The following TRPC4 variants were observed in gnomAD, a reference collection of about 807,000 sequenced individuals.
TRPC4 encodes transient receptor potential cation channel subfamily C member 4.
In TRPC4, 49 loss-of-function variants were observed where a neutral mutation model predicts 99.4. The ratio of observed to expected loss-of-function variants is 0.49; its 90% CI spans 0.39 to 0.63. TRPC4 has a LOEUF of 0.63. Ranked by LOEUF, TRPC4 falls within the 20% of genes least tolerant of loss-of-function variation. The pLI, the probability that TRPC4 is intolerant of heterozygous loss-of-function variation, is 0.00. For missense variants in TRPC4, 898 were observed against 1,152.9 expected (o/e 0.78, Z 3.20); for synonymous variants, 454 against 425.9 (o/e 1.07, Z -0.81).
At position 37,637,688 on chromosome 13, in the gene TRPC4, CG is replaced by C. The variant is rs1350597453; in HGVS notation, c.2212-64del. Reference sequence around the variant, plus strand: ...TAAACATTTGGAAACATCATTTTCTCGTCTCATATATGGGTCAGAAATGTTT... The same window carrying C: ...TAAACATTTGGAAACATCATTTTCTCTCTCATATATGGGTCAGAAATGTTT... On this transcript the variant is annotated intron_variant, in intron 10 of 10. Coordinates refer to ENST00000379705, the MANE Select transcript of TRPC4 (RefSeq NM_016179.4). The C allele has an allele frequency of 2.0e-6, 3 of 1,464,110 alleles. No homozygotes were observed. In the East Asian group the frequency reaches 6.9e-5, roughly 33 times the overall value. The allele number at this position is 1,464,110 out of a possible 1,614,324, so 90.7% of individuals were successfully genotyped here.
At chr13:37,710,936 T>G (rs768758774) in intron 3 of TRPC4, among the ~76,000 whole-genome samples, 2 of 151,978 alleles carry the variant, frequency 1.3e-5, no homozygotes, top group Non-Finnish European at 2.9e-5. Context: ...GTATAATTTG[T>G]AATTAGTTAT....
intron 8 of TRPC4, among the ~76,000 whole-genome samples, chr13:37,641,461 C>T (rs757367888): frequency 1.3e-5 from 2 of 152,144 alleles, no homozygotes; most frequent in Non-Finnish European, 2.9e-5. Context: ...AGGCAATGAA[C>T]TTCAACATTC....
In TRPC4 at chr13:37,781,513, G is replaced by A. The variant is rs186462277; in HGVS notation, c.378+1443C>T. 5.3e-5 allele frequency among the ~76,000 whole-genome samples: 8 copies of A among 152,158 alleles called. No homozygotes were observed. In the East Asian group the frequency reaches 1.6e-3, roughly 29 times the overall value. On this transcript the variant is annotated intron_variant, in intron 2 of 10. Transcript: ENST00000379705. Reference sequence around the variant, plus strand: ...TGTCTGTGTTCTGTATCTCCTTAGTGGTGAAAGACTGGTATATAACATGAA... The same window carrying A: ...TGTCTGTGTTCTGTATCTCCTTAGTAGTGAAAGACTGGTATATAACATGAA...
At chr13:37,755,647 C>G (rs979795162) in intron 2 of TRPC4, among the ~76,000 whole-genome samples, 1 of 151,968 alleles carries the variant, frequency 6.6e-6, no homozygotes, top group African/African-American at 2.4e-5. Context: ...AATGATCCTC[C>G]TACCTCAGCC....
intron 1 of TRPC4, among the ~76,000 whole-genome samples, chr13:37,813,616 G>C (rs1016639093): frequency 6.6e-6 from 1 of 151,802 alleles, no homozygotes; most frequent in Non-Finnish European, 1.5e-5. Context: ...CAACAAATTA[G>C]ATGAACTAGA....
intron 1 of TRPC4, among the ~76,000 whole-genome samples, chr13:37,809,501 A>G (rs1330989008): frequency 6.6e-6 from 1 of 151,220 alleles, no homozygotes; most frequent in East Asian, 1.9e-4. Context: ...CTTATAAGCT[A>G]TTAAAAAAAT....
intron 6 of TRPC4, among the ~76,000 whole-genome samples, chr13:37,656,468 C>T (rs1952241044): frequency 6.6e-6 from 1 of 152,100 alleles, no homozygotes; most frequent in Non-Finnish European, 1.5e-5. Context: ...CCCCTGTATG[C>T]CCTTTTATGG....
chr13:37,702,137 C>T (rs1020480446), intron 3 of TRPC4, among the ~76,000 whole-genome samples: 3 of 152,162 alleles, frequency 2.0e-5, no homozygotes, highest in Admixed American at 6.5e-5. Context: ...TCTGCCATCA[C>T]GTGGCATTCT....
intron 4 of TRPC4, among the ~76,000 whole-genome samples, chr13:37,684,791 C>A (rs989216846): frequency 1.2e-4 from 15 of 123,744 alleles, no homozygotes; most frequent in Non-Finnish European, 2.2e-4. Context: ...CCTGAGTACC[C>A]CTTACACACA....
intron 2 of TRPC4, among the ~76,000 whole-genome samples, chr13:37,753,583 G>C (rs61129617): frequency 1.7e-5 from 2 of 120,504 alleles, no homozygotes; most frequent in African/African-American, 2.8e-5. Flanking sequence ...GAAAGAGAGA[G>C]AGAGAGAGAG....
intron 3 of TRPC4, among the ~76,000 whole-genome samples, chr13:37,702,935 T>C (rs913869581): frequency 6.6e-5 from 10 of 152,112 alleles, no homozygotes; most frequent in African/African-American, 2.4e-4. Context: ...TACATAGTTG[T>C]CATCTAGTGA....
At chr13:37,662,073 C>T (rs1281752162) in intron 6 of TRPC4, among the ~76,000 whole-genome samples, 2 of 152,050 alleles carry the variant, frequency 1.3e-5, no homozygotes, top group Non-Finnish European at 2.9e-5. Context: ...CTTTGGGAGG[C>T]TGTGGTGGGT....
At chr13:37,833,673 G>A (rs572472459) in intron 1 of TRPC4, among the ~76,000 whole-genome samples, 29 of 152,126 alleles carry the variant, frequency 1.9e-4, no homozygotes, top group Non-Finnish European at 2.9e-5. Context: ...CTGGCATCTC[G>A]GGGTTTTGCG....
intron 2 of TRPC4, 44 bp downstream of exon 2, chr13:37,782,912 C>T (rs1956876786): frequency 1.4e-6 from 2 of 1,395,192 alleles, no homozygotes; most frequent in South Asian, 1.9e-5. Context: ...AACAAAAAAC[C>T]TTCTGCAGGT....
At chr13:37,848,674 A>G (rs888650297) in intron 1 of TRPC4, among the ~76,000 whole-genome samples, 1 of 152,100 alleles carries the variant, frequency 6.6e-6, no homozygotes, top group African/African-American at 2.4e-5. Flanking sequence ...GAGATGATCA[A>G]AAGGTTACTG....
chr13:37,674,332 C>T lies in TRPC4; in HGVS notation c.1270G>A (p.Gly424Ser). The change falls in exon 5 of 11, where the codon GGC becomes AGC. Residue 424 changes from glycine to serine, a missense_variant. Physicochemically the swap from Gly to Ser is moderately conservative, Grantham distance 56 (BLOSUM62 0). Transcript: ENST00000379705. ...IWGEIKQMWDGGLQDYIHDWW... is the reference protein window; with the variant it reads ...IWGEIKQMWDSGLQDYIHDWW... The stretch of plus-strand genomic sequence containing the variant: ...TCATGGATGTAGTCCTGAAGTCCGC[C>T]ATCCCACATCTGTTTAATTTCTCCC... 6.2e-7 allele frequency: 1 copy of T among 1,605,084 alleles called. No homozygotes were observed. The highest frequency in any genetic ancestry group is 8.5e-7 in the Non-Finnish European group (1 of 1,177,300).
chr13:37,827,995 T>A (rs2139577519), intron 1 of TRPC4, among the ~76,000 whole-genome samples: 1 of 152,178 alleles, frequency 6.6e-6, no homozygotes, highest in Admixed American at 6.5e-5. Flanking sequence ...TTTAAGCCCG[T>A]CGGAAAAGTG....
intron 8 of TRPC4, among the ~76,000 whole-genome samples, chr13:37,647,695 G>C (rs923275602): frequency 6.6e-6 from 1 of 152,246 alleles, no homozygotes; most frequent in East Asian, 1.9e-4. Context: ...GGGGTATAAT[G>C]GTATATTCTA....
intron 5 of TRPC4, among the ~76,000 whole-genome samples, chr13:37,666,958 T>C (rs753283460): frequency 6.6e-6 from 1 of 152,194 alleles, no homozygotes; most frequent in Non-Finnish European, 1.5e-5. Context: ...CTATTCTGCA[T>C]TGTACTGTCT....
Sources: allele counts gnomAD v4.1 joint callset (sites outside exome capture counted in the v4.1 genomes callset), GRCh38; gene constraint gnomAD v4.1.1; transcripts MANE v1.5; gene names NCBI Gene and HGNC (gene_info 2026-07-23, HGNC 2026-07-21).